DNAJB14: variants seen among roughly 807,000 people sequenced by gnomAD.
DNAJB14 encodes the protein dnaJ homolog subfamily B member 14.
Under a neutral mutation model 48.4 loss-of-function variants are expected in DNAJB14, and 22 were observed. The ratio of observed to expected loss-of-function variants is 0.45; its 90% CI spans 0.32 to 0.65. The LOEUF is 0.65. DNAJB14 is among the 30% of genes least tolerant of loss of function. DNAJB14 has a pLI of 0.03. For missense variants in DNAJB14, 319 were observed against 458.8 expected, an observed-to-expected ratio of 0.70 and a Z score of 2.78; for synonymous variants, 142 against 158.7, an observed-to-expected ratio of 0.89 and a Z score of 0.79.
intron 2 of DNAJB14, 28 bp downstream of exon 2, chr4:99,930,422 T>C (rs553973294): frequency 1.9e-6 from 3 of 1,547,484 alleles, no homozygotes; most frequent in Middle Eastern, 1.7e-4. Flanking sequence ...CCAATTATGA[T>C]TGAGATGTAA....
chr4:99,938,097 CAAAAAAAAAAAAAA>C (rs59597113), intron 1 of DNAJB14, among the ~76,000 whole-genome samples: 12 of 40,972 alleles, frequency 2.9e-4, no homozygotes, highest in Admixed American at 1.3e-3. Context: ...GTTAAAAATA[CAAAAAAAAAAAAAA>C]AAAAAAAAAA....
chr4:99,939,331 C>T (rs535311558), intron 1 of DNAJB14, among the ~76,000 whole-genome samples: 8 of 152,274 alleles, frequency 5.3e-5, no homozygotes, highest in South Asian at 2.1e-4. Context: ...CATTGCATTC[C>T]GGCCTGGGCA....
chr4:99,915,775 AT>A (rs1725832724), intron 3 of DNAJB14, among the ~76,000 whole-genome samples: 1 of 152,146 alleles, frequency 6.6e-6, no homozygotes, highest in East Asian at 1.9e-4. Context: ...GTTCTTCTAT[AT>A]TCTTGTTGAT....
At chr4:99,928,516 A>C (rs1726338297) in intron 2 of DNAJB14, 1 of 426,676 alleles carries the variant, frequency 2.3e-6, no homozygotes, top group Non-Finnish European at 4.8e-6. Flanking sequence ...AACCAACCCC[A>C]CCCCACATAT....
intron 1 of DNAJB14, among the ~76,000 whole-genome samples, chr4:99,933,380 C>T (rs908498662): frequency 3.4e-5 from 5 of 148,656 alleles, no homozygotes; most frequent in East Asian, 2.0e-4. Flanking sequence ...CTGCAACCTC[C>T]GTCTCCTGGG....
chr4:99,933,380 C>A (rs908498662), intron 1 of DNAJB14, among the ~76,000 whole-genome samples: 1 of 148,568 alleles, frequency 6.7e-6, no homozygotes. Flanking sequence ...CTGCAACCTC[C>A]GTCTCCTGGG....
chr4:99,913,368 T>C (rs759692014), intron 3 of DNAJB14, among the ~76,000 whole-genome samples: 1 of 152,226 alleles, frequency 6.6e-6, no homozygotes, highest in Non-Finnish European at 1.5e-5. Flanking sequence ...GCTATTTTTC[T>C]GACAGTTTTT....
chr4:99,936,116 G>A (rs1726665448), intron 1 of DNAJB14, among the ~76,000 whole-genome samples: 2 of 152,134 alleles, frequency 1.3e-5, no homozygotes, highest in African/African-American at 2.4e-5. Context: ...ACATGGCTGA[G>A]CTCAAGAGGG....
chr4:99,907,361 C>T (rs959455756), intron 4 of DNAJB14, among the ~76,000 whole-genome samples: 3 of 152,090 alleles, frequency 2.0e-5, no homozygotes, highest in African/African-American at 7.2e-5. Context: ...GGATGCTTTG[C>T]AAAACGTCCT....
chr4:99,930,403 A>T, intron 2 of DNAJB14, 47 bp downstream of exon 2: 1 of 1,517,366 alleles, frequency 6.6e-7, no homozygotes, highest in Non-Finnish European at 8.8e-7. Flanking sequence ...ATCAAAAAGT[A>T]CATTAATACC....
At position 99,908,770 on chromosome 4, in the gene DNAJB14, T is replaced by G. The variant is rs1725554514; in HGVS notation, c.578A>C (p.Glu193Ala). ...NGRFNFHRGCEADITPEDLFN... is the reference protein window; with the variant it reads ...NGRFNFHRGCAADITPEDLFN... The stretch of plus-strand genomic sequence containing the variant: ...CAAGTCTTCTGGAGTTATATCAGCT[T>G]CACAACCTCTATGGAAATTAAATCT... Residue 193 changes from glutamate (E) to alanine (A), a missense_variant, in exon 4 of 8, where the codon GAA (glutamate) becomes GCA (alanine). Coordinates refer to ENST00000442697, the MANE Select transcript of DNAJB14 (RefSeq NM_001031723.4). 1 of 1,611,990 alleles carries G rather than the reference T, an allele frequency of 6.2e-7. No individual in the cohort carries two copies. The highest frequency in any genetic ancestry group is 2.2e-5 in the East Asian group (1 of 44,708).
intron 1 of DNAJB14, among the ~76,000 whole-genome samples, chr4:99,936,992 C>T (rs1032111076): frequency 6.6e-5 from 10 of 152,124 alleles, no homozygotes; most frequent in African/African-American, 2.4e-4. Flanking sequence ...AAAGTATTTC[C>T]CTACAAAACA....
chr4:99,923,271 T>C lies in DNAJB14; in HGVS notation c.306-86A>G, dbSNP rs983295721. The stretch of plus-strand genomic sequence containing the variant: ...TAATTTTTAATTTATTAGAATACTA[T>C]AAAGAACTATCTGTGGACTCTTTCT... On this transcript the variant is annotated intron_variant, in intron 2 of 7. Coordinates refer to ENST00000442697, the MANE Select transcript of DNAJB14 (RefSeq NM_001031723.4). 2.1e-5 allele frequency: 25 copies of C among 1,202,230 alleles called. 1 individual carries two copies. In the East Asian group the frequency reaches 3.9e-4, roughly 19 times the overall value. The allele number at this position is 1,202,230 out of a possible 1,614,324, so 74.5% of individuals were successfully genotyped here.
intron 1 of DNAJB14, among the ~76,000 whole-genome samples, chr4:99,940,275 C>T (rs72684386): frequency 0.019 from 2,961 of 152,140 alleles, 53 homozygotes; most frequent in Non-Finnish European, 0.03. Context: ...TGTGATTATA[C>T]AAACATGTAT....
At chr4:99,928,895 A>T (rs773041204) in intron 2 of DNAJB14, 1 of 154,302 alleles carries the variant, frequency 6.5e-6, no homozygotes, top group Admixed American at 6.5e-5. Context: ...CTTACTAATA[A>T]ACGTTTTTTA....
In DNAJB14 at chr4:99,941,232, G is replaced by C. The variant is rs1578241292; in HGVS notation, c.133+5207C>G. 2.0e-5 allele frequency among the ~76,000 whole-genome samples: 3 copies of C among 152,218 alleles called. No homozygotes were observed. In the East Asian group the frequency reaches 5.8e-4, roughly 29 times the overall value. ...TAAGGTATTTTAAATGTAGGAGAGA[G>C]ACAGCTATATACACAGGCAATGTAA... is the stretch of plus-strand genomic sequence containing the variant. On this transcript the variant is annotated intron_variant, in intron 1 of 7. Coordinates refer to ENST00000442697, the MANE Select transcript of DNAJB14 (RefSeq NM_001031723.4).
In DNAJB14 at chr4:99,896,547, G is replaced by C. The variant is rs1725151955; in HGVS notation, c.*4481C>G. On this transcript the variant is annotated 3_prime_UTR_variant, in exon 8 of 8. Transcript: ENST00000442697. ...CATCAAACCTTAAAAATTACCTGCA[G>C]CTTTTAAAAACACATAAAGTAAATG... 6.6e-6 allele frequency: 1 copy of C among 152,060 alleles called. No individual in the cohort carries two copies. The allele number at this position is 152,060 out of a possible 1,614,324, so 9.4% of individuals were successfully genotyped here. A position where few individuals can be genotyped will look rare whatever the true frequency, so the allele number is the denominator to read the frequency against.
intron 2 of DNAJB14, among the ~76,000 whole-genome samples, chr4:99,924,028 G>A (rs1726158104): frequency 6.6e-6 from 1 of 152,134 alleles, no homozygotes; most frequent in Non-Finnish European, 1.5e-5. Flanking sequence ...AATCTTTAAA[G>A]TATATTAGGA....
chr4:99,935,865 T>C (rs925402051), intron 1 of DNAJB14, among the ~76,000 whole-genome samples: 2 of 152,042 alleles, frequency 1.3e-5, no homozygotes, highest in Non-Finnish European at 2.9e-5. Flanking sequence ...GTCAAGAATT[T>C]GAGACCAGCC....
Sources: allele counts gnomAD v4.1 joint callset (sites outside exome capture counted in the v4.1 genomes callset), GRCh38; gene constraint gnomAD v4.1.1; transcripts MANE v1.5; gene names NCBI Gene and HGNC (gene_info 2026-07-23, HGNC 2026-07-21).